The following CLDN14 variants were observed in gnomAD, a reference collection of about 807,000 sequenced individuals.
CLDN14 encodes the protein claudin 14.
A neutral mutation model predicts 2.1 loss-of-function variants in CLDN14; 2 were observed. That is an observed-to-expected ratio of 0.96 (90% CI 0.39 to 3.01). CLDN14 has a LOEUF of 3.01. CLDN14 is among the 30% of genes most tolerant of loss of function. The pLI, the probability that CLDN14 is intolerant of heterozygous loss-of-function variation, is 0.09. For synonymous variants in CLDN14, 136 were observed against 154.4 expected (o/e 0.88, Z 0.88); for missense variants, 298 against 328.0 (o/e 0.91, Z 0.71).
chr21:36,462,840 C>A (rs2086595428), intron 1 of CLDN14, among the ~76,000 whole-genome samples: 2 of 151,902 alleles, frequency 1.3e-5, no homozygotes, highest in Non-Finnish European at 2.9e-5. Context: ...ATCGCTTGAA[C>A]CAGGAAGGCT....
chr21:36,483,344 T>C (rs1053172125), upstream of CLDN14, among the ~76,000 whole-genome samples: 2 of 152,248 alleles, frequency 1.3e-5, no homozygotes, highest in African/African-American at 4.8e-5. Context: ...CTCACAGCCC[T>C]TGGGCAAATG....
At position 36,461,698 on chromosome 21, in the gene CLDN14, T is replaced by G. The variant is rs1395261946; in HGVS notation, c.-3A>C. The G allele has an allele frequency of 1.3e-6, 2 of 1,549,190 alleles. No homozygotes were observed. The highest frequency in any genetic ancestry group is 1.7e-6 in the Non-Finnish European group (2 of 1,147,198). ...AGCTGCACGGCCGTGCTGGCCATGG[T>G]GCGGCTGCCTGCCTAGGCCAGCCGG... is the stretch of plus-strand genomic sequence containing the variant. On this transcript the variant is annotated 5_prime_UTR_variant, in exon 2 of 2. Coordinates refer to ENST00000399135, the MANE Select transcript of CLDN14 (RefSeq NM_001146079.2).
chr21:36,466,988 C>G (rs1472621164), intron 1 of CLDN14, among the ~76,000 whole-genome samples: 1 of 152,124 alleles, frequency 6.6e-6, no homozygotes. Context: ...GAGTTTTGGT[C>G]GACTTCATCC....
At chr21:36,489,122 A>AAAAAAAAT (rs1555847013) in intron 2 of CLDN14, among the ~76,000 whole-genome samples, 2 of 65,714 alleles carry the variant, frequency 3.0e-5, no homozygotes, top group South Asian at 4.3e-4. Flanking sequence ...TCAAAGAAAA[A>AAAAAAAAT]AAAAAAAAAA....
At chr21:36,488,030 A>G (rs553831263) in intron 2 of CLDN14, among the ~76,000 whole-genome samples, 6 of 152,338 alleles carry the variant, frequency 3.9e-5, no homozygotes, top group Admixed American at 2.6e-4. Flanking sequence ...ATTATTTGCA[A>G]TAGTCAAAAG....
chr21:36,570,901 G>T (rs1463253374), intron 1 of CLDN14, among the ~76,000 whole-genome samples: 1 of 152,168 alleles, frequency 6.6e-6, no homozygotes, highest in East Asian at 1.9e-4. Context: ...GAGTGCAGTG[G>T]CGTGATCTTA....
At chr21:36,575,173 T>C (rs909237074) in intron 1 of CLDN14, among the ~76,000 whole-genome samples, 1 of 152,214 alleles carries the variant, frequency 6.6e-6, no homozygotes, top group Admixed American at 6.5e-5. Flanking sequence ...TGCTGTCTCA[T>C]CTGCCGTCAT....
intron 2 of CLDN14, among the ~76,000 whole-genome samples, chr21:36,489,139 T>A (rs1174505244): frequency 0.016 from 1,781 of 108,884 alleles, 19 homozygotes; most frequent in Middle Eastern, 0.039. Context: ...AAAATATATA[T>A]ATATATATAT....
Position 36,498,158 on chromosome 21 carries a change from G to A in CLDN14, c.-82+12205C>T, listed in dbSNP as rs1173413085. On this transcript the variant is annotated intron_variant, in intron 2 of 2. Coordinates refer to the CLDN14 transcript ENST00000342108. The surrounding 1 kb of genome is among the most constrained non-coding windows in gnomAD (Gnocchi z 4.9). ...TGGGATTACAGGCACCCACCACCATGCCCAGCTAATTTTTGTATTCTTAGT... is the reference window on the plus strand; with the variant it reads ...TGGGATTACAGGCACCCACCACCATACCCAGCTAATTTTTGTATTCTTAGT... 6.6e-6 allele frequency among the ~76,000 whole-genome samples: 1 copy of A among 152,042 alleles called. No individual in the cohort carries two copies. Among genetic ancestry groups the A allele is most frequent in the Non-Finnish European group, 1.5e-5 (1 of 68,010 alleles).
intron 1 of CLDN14, among the ~76,000 whole-genome samples, chr21:36,511,951 G>T (rs954609446): frequency 6.6e-6 from 1 of 152,066 alleles, no homozygotes; most frequent in Non-Finnish European, 1.5e-5. Context: ...CACCTCAAAG[G>T]GTTATTAAGA....
chr21:36,519,527 A>ATG (rs1373016890), intron 1 of CLDN14, among the ~76,000 whole-genome samples: 1 of 152,114 alleles, frequency 6.6e-6, no homozygotes, highest in Non-Finnish European at 1.5e-5. Context: ...CCTGGCCAAC[A>ATG]GACGAAACCT....
intron 2 of CLDN14, among the ~76,000 whole-genome samples, chr21:36,502,689 T>A (rs1160714472): frequency 6.6e-6 from 1 of 152,226 alleles, no homozygotes; most frequent in Non-Finnish European, 1.5e-5. Flanking sequence ...GAGCCAATAT[T>A]TCCTTAAATA....
chr21:36,470,946 A>T (rs957358353), intron 1 of CLDN14, among the ~76,000 whole-genome samples: 82 of 152,400 alleles, frequency 5.4e-4, no homozygotes, highest in African/African-American at 1.7e-3. Flanking sequence ...ACTGCACTCC[A>T]GCCTGAGTGA....
At chr21:36,572,059 C>T (rs1457198093) in intron 1 of CLDN14, among the ~76,000 whole-genome samples, 1 of 152,180 alleles carries the variant, frequency 6.6e-6, no homozygotes, top group African/African-American at 2.4e-5. Context: ...CACTGAAACA[C>T]AACAGGCTTT....
chr21:36,492,992 C>T (rs1008723354), intron 2 of CLDN14, among the ~76,000 whole-genome samples: 10 of 152,158 alleles, frequency 6.6e-5, no homozygotes, highest in African/African-American at 1.4e-4. Context: ...TGGGGAGAGA[C>T]GAGTCAGACA....
At chr21:36,507,720 T>C (rs2087146060) in intron 2 of CLDN14, among the ~76,000 whole-genome samples, 1 of 152,034 alleles carries the variant, frequency 6.6e-6, no homozygotes, top group Non-Finnish European at 1.5e-5. Flanking sequence ...GCTGAGATTG[T>C]GCCACTGCAC....
chr21:36,531,210 G>A (rs541457138), intron 1 of CLDN14, among the ~76,000 whole-genome samples: 1 of 152,054 alleles, frequency 6.6e-6, no homozygotes, highest in South Asian at 2.1e-4. Flanking sequence ...CCTGGGTGAA[G>A]AGTGAGACCC....
At chr21:36,532,847 T>C (rs1188135943) in intron 1 of CLDN14, among the ~76,000 whole-genome samples, 1 of 152,188 alleles carries the variant, frequency 6.6e-6, no homozygotes, top group Non-Finnish European at 1.5e-5. Flanking sequence ...CCCATCCCTT[T>C]AAATAGTCAC....
Position 36,461,355 on chromosome 21 carries a change from T to C in CLDN14, c.341A>G (p.Lys114Arg). ...GCCGCCGAGGATGGCAAAGGTGGTC[T>C]TGGCGGGTGTGCCCTTGGCGCAGCG... The part of the protein sequence containing the change: ...CTRCAKGTPA[K>R]TTFAILGGTL... Residue 114 changes from lysine to arginine, a missense_variant, in exon 2 of 2, where the codon AAG becomes AGG. By Grantham distance (26) the Lys-to-Arg change is conservative. Transcript: ENST00000399135. 3.1e-6 allele frequency: 5 copies of C among 1,613,262 alleles called. No individual in the cohort carries two copies. The highest frequency in any genetic ancestry group is 2.5e-6 in the Non-Finnish European group (3 of 1,179,912).
Sources: allele counts gnomAD v4.1 joint callset (sites outside exome capture counted in the v4.1 genomes callset), GRCh38; gene constraint gnomAD v4.1.1; non-coding constraint Gnocchi (gnomAD v3.1); transcripts MANE v1.5; gene names NCBI Gene and HGNC (gene_info 2026-07-23, HGNC 2026-07-21).